The following CPA1 variants were observed in gnomAD, a reference collection of about 807,000 sequenced individuals.
The protein encoded by CPA1 is carboxypeptidase A1 (pancreatic).
CPA1 carries 42 observed loss-of-function variants against 48.7 expected under a neutral mutation model. The observed-to-expected ratio is 0.86, with a 90% CI of 0.67 to 1.11. CPA1 has a LOEUF of 1.11. Ranked by LOEUF, CPA1 falls within the 50% of genes most tolerant of loss-of-function variation. The pLI is 0.00. For synonymous variants in CPA1, 203 were observed against 217.9 expected (o/e 0.93, Z 0.60); for missense variants, 477 against 544.7 (o/e 0.88, Z 1.24).
In CPA1 at chr7:130,385,203, C is replaced by G. The variant is rs1796458202; in HGVS notation, c.845C>G (p.Ser282Cys). The G allele has an allele frequency of 3.1e-6, 5 of 1,614,240 alleles. No individual in the cohort carries two copies. Among genetic ancestry groups the G allele is most frequent in the Non-Finnish European group, 4.2e-6 (5 of 1,180,044 alleles). ...SETYHGKFAN[S>C]EVEVKSIVDF... ...ACTTACCACGGCAAGTTTGCCAATT[C>G]CGAAGTGGAGGTCAAGTCCATTGTA... Residue 282 changes from serine to cysteine, a missense_variant, in exon 8 of 10, where the codon TCC (serine) becomes TGC (cysteine). Physicochemically the swap from Ser to Cys is moderately radical, Grantham distance 112. Coordinates refer to ENST00000011292, the MANE Select transcript of CPA1 (RefSeq NM_001868.4).
chr7:130,381,815 G>C lies in CPA1; in HGVS notation c.333G>C (p.Ala111=). 1 of 1,614,160 alleles carries C rather than the reference G, an allele frequency of 6.2e-7. No individual in the cohort carries two copies. The highest frequency in any genetic ancestry group is 8.5e-7 in the Non-Finnish European group (1 of 1,180,028). The change falls in exon 3 of 10, where the codon GCG becomes GCC. Residue 111 remains alanine, a synonymous_variant. Transcript: ENST00000011292. Reference sequence around the variant, plus strand: ...AGATGTTCGCCTTCCGGTCCCGGGCGCGCTCCACCGACACTTTTAACTACG... The same window carrying C: ...AGATGTTCGCCTTCCGGTCCCGGGCCCGCTCCACCGACACTTTTAACTACG... ...QEQMFAFRSR[A]RSTDTFNYAT...
intron 4 of CPA1, 79 bp from the exon 5 acceptor site, chr7:130,383,312 G>A (rs1796429758): frequency 6.3e-6 from 7 of 1,107,226 alleles, no homozygotes; most frequent in Admixed American, 3.9e-5. Context: ...TCTGGCCCAG[G>A]TCGGGGTCTC....
At position 130,383,773 on chromosome 7, in the gene CPA1, C is replaced by T; in HGVS notation, c.675C>T (p.Gly225=). 6.2e-7 allele frequency: 1 copy of T among 1,613,900 alleles called. No individual in the cohort carries two copies. Among genetic ancestry groups the T allele is most frequent in the Non-Finnish European group, 8.5e-7 (1 of 1,179,760 alleles). ...TGGAGATCGTCACCAACCCTGATGG[C>T]TTTGCCTTCACGCACAGCACGGTAC... ...IFLEIVTNPD[G]FAFTHSTNRM... Residue 225 remains glycine (G), a synonymous_variant, in exon 6 of 10, where the codon GGC becomes GGT. Coordinates refer to ENST00000011292, the MANE Select transcript of CPA1 (RefSeq NM_001868.4).
chr7:130,382,330 A>C, intron 4 of CPA1, 121 bp downstream of exon 4: 1 of 732,636 alleles, frequency 1.4e-6, no homozygotes, highest in Admixed American at 2.3e-5. Context: ...TGGACTCCCC[A>C]TGCAGACATT....
chr7:130,387,172 G>A lies in CPA1; in HGVS notation c.1073-652G>A, dbSNP rs1554412156. Among the ~76,000 whole-genome samples the A allele has an allele frequency of 6.6e-6, 1 of 152,198 alleles. No individual in the cohort carries two copies. Among genetic ancestry groups the A allele is most frequent in the African/African-American group, 2.4e-5 (1 of 41,434 alleles). On this transcript the variant is annotated intron_variant, in intron 9 of 9. Coordinates refer to ENST00000011292, the MANE Select transcript of CPA1 (RefSeq NM_001868.4). The surrounding 1 kb of genome is among the most constrained non-coding windows in gnomAD (Gnocchi z 4.6). ...CACACGCTTCCTGCCTGAGTGCCTA[G>A]GCCTTGGTGGGCAAGCAGGTCACAA... is the stretch of plus-strand genomic sequence containing the variant.
At chr7:130,386,772 C>G (rs1371374728) in intron 9 of CPA1, among the ~76,000 whole-genome samples, 2 of 152,048 alleles carry the variant, frequency 1.3e-5, no homozygotes, top group African/African-American at 4.8e-5. Flanking sequence ...GCCAGGGAGA[C>G]CAACAATGAA....
intron 3 of CPA1, 108 bp downstream of exon 3, chr7:130,381,971 G>T: frequency 8.2e-7 from 1 of 1,214,948 alleles, no homozygotes; most frequent in East Asian, 2.5e-5. Flanking sequence ...CGCAGCGCCT[G>T]CTCTGTTTCC....
intron 3 of CPA1, 90 bp from the exon 4 acceptor site, chr7:130,382,018 C>A: frequency 1.6e-6 from 2 of 1,247,852 alleles, no homozygotes; most frequent in South Asian, 1.3e-5. Flanking sequence ...TTGCAGGGCT[C>A]GCAGCAGGCT....
intron 3 of CPA1, 42 bp downstream of exon 3, chr7:130,381,905 C>T (rs1554411262): frequency 2.6e-6 from 4 of 1,562,264 alleles, no homozygotes; most frequent in Non-Finnish European, 3.5e-6. Context: ...GCCACCAGCT[C>T]TTCATCATGG....
intron 6 of CPA1, chr7:130,384,026 C>T (rs1796441032): frequency 3.6e-6 from 2 of 561,458 alleles, no homozygotes; most frequent in East Asian, 6.0e-5. Context: ...TAACCTTACA[C>T]CCATTCAATG....
intron 2 of CPA1, 65 bp downstream of exon 2, chr7:130,381,244 C>T (rs536632789): frequency 8.4e-7 from 1 of 1,187,758 alleles, no homozygotes; most frequent in South Asian, 1.4e-5. Flanking sequence ...CCCAGGTCCC[C>T]AGCGGCCAAC....
intron 5 of CPA1, 25 bp downstream of exon 5, chr7:130,383,517 C>T (rs1484454273): frequency 6.3e-7 from 1 of 1,581,362 alleles, no homozygotes; most frequent in Non-Finnish European, 8.7e-7. Context: ...GTGAGGAGGG[C>T]TCTCACCTGG....
rs1796484725 is a variant in CPA1 at position 130,387,040 on chromosome 7, T to G, written c.1073-784T>G. On this transcript the variant is annotated intron_variant, in intron 9 of 9. Transcript: ENST00000011292. This position sits in a 1 kb window ranked among gnomAD's most constrained non-coding sequence, Gnocchi z 4.6. ...CTAGAGCAAAGGCTCTACAGTGTGG[T>G]CTGGCCGGGGATGTTGCTGGAACAA... is the stretch of plus-strand genomic sequence containing the variant. 6.6e-6 allele frequency among the ~76,000 whole-genome samples: 1 copy of G among 152,150 alleles called. No individual in the cohort carries two copies. The highest frequency in any genetic ancestry group is 1.5e-5 in the Non-Finnish European group (1 of 68,030).
intron 4 of CPA1, 108 bp downstream of exon 4, chr7:130,382,317 A>T: frequency 1.2e-6 from 1 of 812,754 alleles, no homozygotes; most frequent in Non-Finnish European, 2.0e-6. Context: ...ACACGCTGTT[A>T]AATGGACTCC....
rs199761591 is a variant in CPA1 at position 130,385,140 on chromosome 7, C to G, written c.788-6C>G. On this transcript the variant is annotated splice_region_variant and splice_polypyrimidine_tract_variant and intron_variant, in intron 7 of 9. Coordinates refer to ENST00000011292, the MANE Select transcript of CPA1 (RefSeq NM_001868.4). ...CCACACCGCCATGCCCTCTGTCCCC[C>G]CACAGTGTCCGGAGCCAGCAGTAAC... The G allele has an allele frequency of 9.3e-6, 15 of 1,614,038 alleles. No homozygotes were observed. The East Asian group carries it at 3.3e-4, about 36-fold the overall frequency.
intron 6 of CPA1, chr7:130,384,249 T>G: frequency 2.0e-6 from 1 of 511,742 alleles, no homozygotes; most frequent in Non-Finnish European, 3.5e-6. Flanking sequence ...TTCTTCGCCA[T>G]ATAGAACCCT....
chr7:130,384,177 G>A (rs1286291744), intron 6 of CPA1: 5 of 417,106 alleles, frequency 1.2e-5, no homozygotes, highest in South Asian at 6.4e-5. Flanking sequence ...CTATTTTTAC[G>A]GCAAATAAAA....
At chr7:130,386,725 C>CCATGAATGAAATAAGCAAAGATCAGGGAA (rs1246703922) in intron 9 of CPA1, among the ~76,000 whole-genome samples, 3 of 152,138 alleles carry the variant, frequency 2.0e-5, no homozygotes, top group Non-Finnish European at 4.4e-5. Flanking sequence ...TGGGATATAG[C>CCATGAATGAAATAAGCAAAGATCAGGGAA]CATGAATGAA....
intron 2 of CPA1, 86 bp from the exon 3 acceptor site, chr7:130,381,544 C>A: frequency 1.1e-6 from 1 of 949,158 alleles, no homozygotes; most frequent in Non-Finnish European, 1.6e-6. Flanking sequence ...CACCAACAGC[C>A]CCTCCCACGC....
Sources: gnomAD v4.1 joint callset for allele counts (sites outside exome capture counted in the v4.1 genomes callset) on GRCh38, gnomAD v4.1.1 for gene constraint, Gnocchi (gnomAD v3.1) non-coding constraint, MANE v1.5 for transcripts, NCBI Gene and HGNC (gene_info 2026-07-23, HGNC 2026-07-21) for gene names.